Variants in GSTCD observed in about 807,000 individuals in gnomAD.
GSTCD encodes the protein glutathione S-transferase C-terminal domain containing.
In GSTCD, 44 loss-of-function variants were observed where a neutral mutation model predicts 68.3. The ratio of observed to expected loss-of-function variants is 0.64; its 90% CI spans 0.51 to 0.83. The LOEUF is 0.83. Ranked by LOEUF, GSTCD falls within the 40% of genes least tolerant of loss-of-function variation. The pLI is 0.00. For synonymous variants in GSTCD, 273 were observed against 255.2 expected (o/e 1.07, Z -0.67); for missense variants, 739 against 735.9 (o/e 1.00, Z -0.05).
intron 5 of GSTCD, chr4:105,761,899 T>G (rs1420059253): frequency 6.6e-6 from 1 of 152,244 alleles, no homozygotes; most frequent in Non-Finnish European, 1.5e-5. Flanking sequence ...CTAGAGCTGC[T>G]TTTTATTTGC....
chr4:105,813,042 C>T (rs2149267926), intron 5 of GSTCD, among the ~76,000 whole-genome samples: 1 of 152,192 alleles, frequency 6.6e-6, no homozygotes, highest in Non-Finnish European at 1.5e-5. Context: ...TAGGTGAGAG[C>T]ACACACCTTG....
rs1032815307 is a variant in GSTCD, at chr4:105,768,186, C to A, written c.1240+38687C>A. Among the ~76,000 whole-genome samples the A allele has an allele frequency of 3.9e-5, 6 of 152,078 alleles. No homozygotes were observed. The East Asian group carries it at 1.2e-3, about 30-fold the overall frequency. On this transcript the variant is annotated intron_variant, in intron 5 of 11. Coordinates refer to ENST00000515279, the MANE Select transcript of GSTCD (RefSeq NM_001370181.1). Reference sequence around the variant, plus strand: ...GGGACTACAGGCGCCCACCACCACGCCCGGCTAATTTTTTTTGTATTTTTT... The same window carrying A: ...GGGACTACAGGCGCCCACCACCACGACCGGCTAATTTTTTTTGTATTTTTT...
At chr4:105,777,840 T>C (rs1168636676) in intron 5 of GSTCD, among the ~76,000 whole-genome samples, 3 of 152,150 alleles carry the variant, frequency 2.0e-5, no homozygotes, top group Non-Finnish European at 2.9e-5. Flanking sequence ...AAGTTTCCAA[T>C]AAATTCAAGG....
intron 5 of GSTCD, among the ~76,000 whole-genome samples, chr4:105,778,621 A>G (rs1427455180): frequency 6.6e-6 from 1 of 152,108 alleles, no homozygotes; most frequent in Non-Finnish European, 1.5e-5. Flanking sequence ...ACAGCTTACA[A>G]CAGCTGCAAT....
At chr4:105,796,655 C>T (rs974835300) in intron 5 of GSTCD, among the ~76,000 whole-genome samples, 6 of 152,100 alleles carry the variant, frequency 3.9e-5, no homozygotes, top group Non-Finnish European at 8.8e-5. Context: ...TCTTTGCTCT[C>T]CAACCCCCTT....
At chr4:105,743,558 A>G (rs926812364) in intron 5 of GSTCD, among the ~76,000 whole-genome samples, 1 of 149,684 alleles carries the variant, frequency 6.7e-6, no homozygotes, top group Non-Finnish European at 1.5e-5. Flanking sequence ...AATGTACATT[A>G]TTATTATATT....
chr4:105,724,772 C>T (rs748632094), intron 3 of GSTCD, among the ~76,000 whole-genome samples: 5 of 151,884 alleles, frequency 3.3e-5, no homozygotes, highest in Non-Finnish European at 5.9e-5. Flanking sequence ...ATAATTTAAA[C>T]GTGTTACATT....
rs1379306792 is a variant in GSTCD at position 105,847,440 on chromosome 4, A to T, written c.*1863A>T. ...TTTTATTGTGGACTTTCTTCTTTTA[A>T]GTGAGGTTTAATTTATATACAATAC... On this transcript the variant is annotated 3_prime_UTR_variant, in exon 12 of 12. Coordinates refer to ENST00000515279, the MANE Select transcript of GSTCD (RefSeq NM_001370181.1). 1 of 152,158 alleles carries T rather than the reference A, an allele frequency of 6.6e-6. No individual in the cohort carries two copies. Among genetic ancestry groups the T allele is most frequent in the Admixed American group, 6.5e-5 (1 of 15,272 alleles). 9.4% of individuals were successfully genotyped at this position (152,158 alleles called of 1,614,324 possible).
chr4:105,753,498 A>G (rs963178478), intron 5 of GSTCD, among the ~76,000 whole-genome samples: 15 of 152,038 alleles, frequency 9.9e-5, no homozygotes, highest in Admixed American at 5.9e-4. Context: ...TGTACTGTAC[A>G]TGTACAGACT....
intron 5 of GSTCD, among the ~76,000 whole-genome samples, chr4:105,775,786 C>A (rs1317555415): frequency 6.6e-6 from 1 of 152,196 alleles, no homozygotes; most frequent in Non-Finnish European, 1.5e-5. Flanking sequence ...TGTCTGTTGA[C>A]CCCTGCTGGG....
chr4:105,813,546 A>G (rs1008903211), intron 5 of GSTCD, among the ~76,000 whole-genome samples: 4 of 152,226 alleles, frequency 2.6e-5, no homozygotes, highest in Non-Finnish European at 5.9e-5. Context: ...CTCCTTATGT[A>G]CTTGCAAATT....
chr4:105,723,698 T>G (rs1192651867), intron 3 of GSTCD, among the ~76,000 whole-genome samples: 1 of 151,732 alleles, frequency 6.6e-6, no homozygotes, highest in South Asian at 2.1e-4. Context: ...GAAATAAATG[T>G]ATATCTTTAA....
intron 8 of GSTCD, among the ~76,000 whole-genome samples, chr4:105,828,986 A>G (rs916291065): frequency 2.4e-4 from 37 of 152,128 alleles, no homozygotes; most frequent in African/African-American, 7.5e-4. Flanking sequence ...GAGAAGGGCA[A>G]TGGTGATGTG....
rs72958985 is a variant in GSTCD, at chr4:105,815,690, G to T, written c.1241-7264G>T. Among the ~76,000 whole-genome samples, 1,080 of 152,190 alleles carry T rather than the reference G, an allele frequency of 7.1e-3. 8 individuals carry two copies. Among genetic ancestry groups the T allele is most frequent in the African/African-American group, 0.024 (1,000 of 41,544 alleles). On this transcript the variant is annotated intron_variant, in intron 5 of 11. Coordinates refer to ENST00000515279, the MANE Select transcript of GSTCD (RefSeq NM_001370181.1). ...AAACATCAATTGGAAGCCAACTGAGGATTACTTGAATGGCCTCAAAAAGTT... is the reference window on the plus strand; with the variant it reads ...AAACATCAATTGGAAGCCAACTGAGTATTACTTGAATGGCCTCAAAAAGTT...
chr4:105,845,605 C>T lies in GSTCD; in HGVS notation c.*28C>T, dbSNP rs1246628167. On this transcript the variant is annotated 3_prime_UTR_variant, in exon 12 of 12. Transcript: ENST00000515279. ...TGAGATATTCACATTTGATATTTTGCCATCCGTCTTCACGTTGGATGCCCA... is the reference window on the plus strand; with the variant it reads ...TGAGATATTCACATTTGATATTTTGTCATCCGTCTTCACGTTGGATGCCCA... The T allele has an allele frequency of 5.6e-6, 9 of 1,611,994 alleles. No homozygotes were observed. In the African/African-American group the frequency reaches 6.7e-5, roughly 12 times the overall value.
intron 5 of GSTCD, among the ~76,000 whole-genome samples, chr4:105,764,774 C>T (rs1734543791): frequency 6.6e-6 from 1 of 152,206 alleles, no homozygotes; most frequent in African/African-American, 2.4e-5. Flanking sequence ...GGGACACATT[C>T]AGTTCCTAAC....
chr4:105,846,609 TA>T lies in GSTCD; in HGVS notation c.*1034del, dbSNP rs1389051868. On this transcript the variant is annotated 3_prime_UTR_variant, in exon 12 of 12. Coordinates refer to ENST00000515279, the MANE Select transcript of GSTCD (RefSeq NM_001370181.1). ...ATTCAAAGATGAGTTGCAAAAGACA[TA>T]ATGTTTTGCCTATGGAAGTAGATCA... is the stretch of plus-strand genomic sequence containing the variant. 1 of 151,710 alleles carries T rather than the reference TA, an allele frequency of 6.6e-6. No individual in the cohort carries two copies. The highest frequency in any genetic ancestry group is 2.4e-5 in the African/African-American group (1 of 41,294). 9.4% of individuals were successfully genotyped at this position (151,710 alleles called of 1,614,324 possible). A position where few individuals can be genotyped will look rare whatever the true frequency, so the allele number is the denominator to read the frequency against.
At chr4:105,812,863 G>T (rs945513116) in intron 5 of GSTCD, among the ~76,000 whole-genome samples, 8 of 152,174 alleles carry the variant, frequency 5.3e-5, no homozygotes, top group Admixed American at 5.2e-4. Flanking sequence ...TAAATACAGA[G>T]GGGAGGCAGC....
intron 5 of GSTCD, among the ~76,000 whole-genome samples, chr4:105,788,433 T>C (rs1035312766): frequency 3.9e-5 from 6 of 152,116 alleles, no homozygotes; most frequent in Non-Finnish European, 8.8e-5. Context: ...TGTTCTGTTT[T>C]CTCTAATAAT....
Sources: gnomAD v4.1 joint callset for allele counts (sites outside exome capture counted in the v4.1 genomes callset) on GRCh38, gnomAD v4.1.1 for gene constraint, MANE v1.5 for transcripts, NCBI Gene and HGNC (gene_info 2026-07-23, HGNC 2026-07-21) for gene names.